CFAP47: variants seen among roughly 807,000 people sequenced by gnomAD.
The protein encoded by CFAP47 is cilia- and flagella-associated protein 47.
CFAP47 carries 29 observed loss-of-function variants against 148.1 expected under a neutral mutation model. The ratio of observed to expected loss-of-function variants is 0.20; its 90% CI spans 0.15 to 0.27. CFAP47 has a LOEUF of 0.27. Among genes scored for constraint, CFAP47 ranks in the 10% least tolerant of loss-of-function variants. The pLI, the probability that CFAP47 is intolerant of heterozygous loss-of-function variation, is 1.00. For synonymous variants in CFAP47, 664 were observed against 577.3 expected (o/e 1.15, Z -2.15); for missense variants, 1,872 against 1,697.5 (o/e 1.10, Z -1.81).
Position 35,970,940 on chromosome X carries a change from C to CA in CFAP47, c.1970+23dup. ...AGCAGAGAGGTAATGTTCAGTTCCT[C>CA]AAAAAATATGCAACAGATCATGGTG... On this transcript the variant is annotated intron_variant, in intron 11 of 63. Coordinates refer to ENST00000378653, the MANE Select transcript of CFAP47 (RefSeq NM_001304548.2). 8.5e-7 allele frequency: 1 copy of CA among 1,171,447 alleles called. No homozygotes were observed. Among genetic ancestry groups the CA allele is most frequent in the Non-Finnish European group, 1.1e-6 (1 of 874,748 alleles).
chrX:36,262,134 A>G (rs1415192299), intron 49 of CFAP47, among the ~76,000 whole-genome samples: 1 of 112,149 alleles, frequency 8.9e-6, no homozygotes, highest in Non-Finnish European at 1.9e-5. Context: ...GGTACATGAG[A>G]TGTTTTGATA....
At chrX:35,976,644 ACAAAATAAATT>A (rs1242504235) in intron 15 of CFAP47, among the ~76,000 whole-genome samples, 1 of 111,536 alleles carries the variant, frequency 9.0e-6, no homozygotes, top group African/African-American at 3.3e-5. Context: ...ATACTTATGG[ACAAAATAAATT>A]TTGTTTAGTT....
intron 32 of CFAP47, 133 bp downstream of exon 32, chrX:36,100,012 T>C (rs1334558990): frequency 5.3e-6 from 2 of 380,871 alleles, no homozygotes; most frequent in Non-Finnish European, 8.9e-6. Context: ...TTTTATTGCT[T>C]TCTCATGGAA....
chrX:36,055,846 G>A (rs947749763), intron 26 of CFAP47, among the ~76,000 whole-genome samples: 13 of 110,889 alleles, frequency 1.2e-4, no homozygotes, highest in East Asian at 8.5e-4. Flanking sequence ...TTTAATAATC[G>A]CCATTCTGAC....
intron 51 of CFAP47, among the ~76,000 whole-genome samples, chrX:36,289,751 C>T (rs1490531805): frequency 5.4e-5 from 6 of 111,981 alleles, no homozygotes; most frequent in African/African-American, 1.6e-4. Flanking sequence ...TTTTCTGATT[C>T]ATTTACTTAT....
rs747060647 is a variant in CFAP47 at position 35,970,846 on chromosome X, G to A, written c.1893G>A (p.Lys631=). 60 of 1,180,786 alleles carry A rather than the reference G, an allele frequency of 5.1e-5. No homozygotes were observed. Among genetic ancestry groups the A allele is most frequent in the Middle Eastern group, 2.3e-4 (1 of 4,277 alleles). ...ATACTACATTTGAAAAACAGCAAAAGAAATTACATGAAAACTATTATGCAA... is the reference window on the plus strand; with the variant it reads ...ATACTACATTTGAAAAACAGCAAAAAAAATTACATGAAAACTATTATGCAA... ...FAYTTFEKQQ[K]KLHENYYAMY... Residue 631 remains lysine, a synonymous_variant, in exon 11 of 64, where the codon AAG becomes AAA. Coordinates refer to ENST00000378653, the MANE Select transcript of CFAP47 (RefSeq NM_001304548.2).
intron 49 of CFAP47, among the ~76,000 whole-genome samples, chrX:36,266,798 T>A (rs1362172061): frequency 1.8e-5 from 2 of 110,801 alleles, no homozygotes; most frequent in East Asian, 5.8e-4. Context: ...CCCTTTTCTC[T>A]CCAGGTCTAG....
chrX:36,013,675 C>T (rs184978540), intron 21 of CFAP47, among the ~76,000 whole-genome samples: 1 of 111,414 alleles, frequency 9.0e-6, no homozygotes, highest in Non-Finnish European at 1.9e-5. Context: ...ATGGCAAACA[C>T]TAATCTGAAT....
intron 45 of CFAP47, among the ~76,000 whole-genome samples, chrX:36,222,865 G>A (rs1228783097): frequency 1.8e-5 from 2 of 111,025 alleles, no homozygotes; most frequent in African/African-American, 6.6e-5. Context: ...ATATAGTTTG[G>A]ATCTGTGTCC....
intron 8 of CFAP47, among the ~76,000 whole-genome samples, chrX:35,960,380 G>GGAAAAAAAAA (rs1227681980): frequency 3.2e-4 from 5 of 15,482 alleles, no homozygotes; most frequent in African/African-American, 1.3e-3. Context: ...GCTAATTTCT[G>GGAAAAAAAAA]AAAAAAAAAA....
chrX:36,047,651 C>A (rs1214404377), intron 26 of CFAP47, among the ~76,000 whole-genome samples: 1 of 111,372 alleles, frequency 9.0e-6, no homozygotes, highest in Non-Finnish European at 1.9e-5. Context: ...AAGTGTAGAG[C>A]TATAAAGTTT....
At chrX:36,212,192 TAA>T (rs1286188352) in intron 45 of CFAP47, among the ~76,000 whole-genome samples, 1 of 112,238 alleles carries the variant, frequency 8.9e-6, no homozygotes. Context: ...ATTTTTGAAA[TAA>T]AAAAATCAAT....
intron 17 of CFAP47, among the ~76,000 whole-genome samples, chrX:35,992,680 G>A (rs758258173): frequency 1.8e-5 from 2 of 111,223 alleles, no homozygotes; most frequent in South Asian, 7.5e-4. Context: ...ATTGGCCTAT[G>A]AAAATCCATA....
chrX:36,270,746 C>G (rs1167468070), intron 49 of CFAP47, among the ~76,000 whole-genome samples: 1 of 105,598 alleles, frequency 9.5e-6, no homozygotes, highest in Non-Finnish European at 1.9e-5. Flanking sequence ...AATATATATA[C>G]TTATATACAT....
intron 48 of CFAP47, among the ~76,000 whole-genome samples, chrX:36,247,461 T>C (rs1555997329): frequency 9.0e-6 from 1 of 111,093 alleles, no homozygotes. Flanking sequence ...AAATTAATAA[T>C]TATATAAATA....
chrX:36,109,574 C>T (rs751036576), intron 33 of CFAP47, among the ~76,000 whole-genome samples: 45 of 111,549 alleles, frequency 4.0e-4, no homozygotes, highest in African/African-American at 1.4e-3. Context: ...CTCCCGGGTT[C>T]AAGCGATTCT....
rs188029198 is a variant in CFAP47, at chrX:36,170,480, A to T, written c.6027-8865A>T. 6.9e-3 allele frequency among the ~76,000 whole-genome samples: 750 copies of T among 108,199 alleles called. 2 individuals are homozygous for T. Among genetic ancestry groups the T allele is most frequent in the Non-Finnish European group, 0.011 (587 of 52,353 alleles). 94.0% of individuals were successfully genotyped at this position (108,199 alleles called of 115,157 possible). On this transcript the variant is annotated intron_variant, in intron 39 of 63. Transcript: ENST00000378653. ...ACCCCACAACAGTCCCCAGAGTGTGATGTTCCCCTTCCTGTGTCCATGTGT... is the reference window on the plus strand; with the variant it reads ...ACCCCACAACAGTCCCCAGAGTGTGTTGTTCCCCTTCCTGTGTCCATGTGT...
At chrX:36,262,624 T>C (rs1940842940) in intron 49 of CFAP47, among the ~76,000 whole-genome samples, 1 of 112,392 alleles carries the variant, frequency 8.9e-6, no homozygotes, top group African/African-American at 3.2e-5. Flanking sequence ...TGTTGATGTA[T>C]GCTAACATTG....
At chrX:36,362,950 A>G (rs1450447919) in intron 61 of CFAP47, among the ~76,000 whole-genome samples, 6 of 111,613 alleles carry the variant, frequency 5.4e-5, no homozygotes, top group African/African-American at 2.0e-4. Flanking sequence ...CATATGTATT[A>G]ATATAATGAC....
Sources: gnomAD v4.1 joint callset for allele counts (sites outside exome capture counted in the v4.1 genomes callset) on GRCh38, gnomAD v4.1.1 for gene constraint, MANE v1.5 for transcripts, NCBI Gene and HGNC (gene_info 2026-07-23, HGNC 2026-07-21) for gene names.